UGT1A10: variants seen among roughly 807,000 people sequenced by gnomAD.
The protein encoded by UGT1A10 is UDP glucuronosyltransferase family 1 member A10.
A neutral mutation model predicts 45.8 loss-of-function variants in UGT1A10; 49 were observed. That is an observed-to-expected ratio of 1.07 (90% CI 0.85 to 1.36). The LOEUF is 1.36. Ranked by LOEUF, UGT1A10 falls within the 40% of genes most tolerant of loss-of-function variation. UGT1A10 has a pLI of 0.00. For missense variants in UGT1A10, 745 were observed against 668.6 expected, an observed-to-expected ratio of 1.11 and a Z score of -1.26; for synonymous variants, 284 against 249.7, an observed-to-expected ratio of 1.14 and a Z score of -1.29.
In UGT1A10 at chr2:233,702,744, C is replaced by A. The variant is rs28899179; in HGVS notation, c.856-64290C>A. The stretch of plus-strand genomic sequence containing the variant: ...TGAACATGGTTTTCTTTTTGGTCCC[C>A]TATTCTAGTGATATGTGTTAATTGA... On this transcript the variant is annotated intron_variant, in intron 1 of 4. Coordinates refer to ENST00000344644, the MANE Select transcript of UGT1A10 (RefSeq NM_019075.4). Among the ~76,000 whole-genome samples, 1,245 of 152,216 alleles carry A rather than the reference C, an allele frequency of 8.2e-3. 20 individuals are homozygous for A. Among genetic ancestry groups the A allele is most frequent in the African/African-American group, 0.028 (1,155 of 41,538 alleles).
chr2:233,689,498 G>A (rs539374555), intron 1 of UGT1A10, among the ~76,000 whole-genome samples: 4 of 152,192 alleles, frequency 2.6e-5, no homozygotes, highest in East Asian at 1.9e-4. Flanking sequence ...AAATCAATAC[G>A]CAGAGGTTAC....
chr2:233,712,323 T>C (rs1173585245), intron 1 of UGT1A10, among the ~76,000 whole-genome samples: 1 of 149,960 alleles, frequency 6.7e-6, no homozygotes, highest in Non-Finnish European at 1.5e-5. Flanking sequence ...ACAAAGCCTT[T>C]CCAAGAATCT....
Position 233,636,864 on chromosome 2 carries a change from T to C in UGT1A10, c.342T>C (p.Ser114=), listed in dbSNP as rs2073305580. The C allele has an allele frequency of 6.2e-7, 1 of 1,614,066 alleles. No individual in the cohort carries two copies. The highest frequency in any genetic ancestry group is 1.3e-5 in the African/African-American group (1 of 74,938). The change falls in exon 1 of 5, where the codon AGT becomes AGC. Residue 114 remains serine (S), a synonymous_variant. Coordinates refer to ENST00000344644, the MANE Select transcript of UGT1A10 (RefSeq NM_019075.4). The stretch of plus-strand genomic sequence containing the variant: ...TTTCTCTATTAATGAGTTCATCCAG[T>C]GGTTTTCTTGACTTATTTTTTTCGC... ...SIFSLLMSSS[S]GFLDLFFSHC...
intron 1 of UGT1A10, among the ~76,000 whole-genome samples, chr2:233,756,735 C>T (rs1015618945): frequency 7.9e-5 from 12 of 152,180 alleles, no homozygotes; most frequent in African/African-American, 2.6e-4. Context: ...GTTCTCTTCA[C>T]CTCCTCCTTA....
intron 1 of UGT1A10, among the ~76,000 whole-genome samples, chr2:233,696,838 AC>A (rs1481479612): frequency 6.6e-6 from 1 of 152,124 alleles, no homozygotes; most frequent in Non-Finnish European, 1.5e-5. Context: ...TCATAAAGGG[AC>A]GTTGAATTTT....
intron 1 of UGT1A10, among the ~76,000 whole-genome samples, chr2:233,700,929 G>T (rs577759047): frequency 6.6e-6 from 1 of 151,662 alleles, no homozygotes; most frequent in Non-Finnish European, 1.5e-5. Flanking sequence ...GTGTCTGTGT[G>T]TGATTGTTCA....
chr2:233,637,050 T>C lies in UGT1A10; in HGVS notation c.528T>C (p.His176=), dbSNP rs201624537. 7.4e-6 allele frequency: 12 copies of C among 1,613,902 alleles called. No individual in the cohort carries two copies. The highest frequency in any genetic ancestry group is 6.7e-5 in the Admixed American group (4 of 59,998). Residue 176 remains histidine (H), a synonymous_variant, in exon 1 of 5, where the codon CAT becomes CAC. Transcript: ENST00000344644. The part of the protein sequence containing the change: ...VVFTRGIFCH[H]LEEGAQCPAP... ...TCACCAGGGGAATATTTTGCCACCA[T>C]CTTGAAGAAGGTGCACAGTGCCCTG... is the stretch of plus-strand genomic sequence containing the variant.
chr2:233,729,936 G>A (rs1335744695), intron 1 of UGT1A10: 1 of 1,613,890 alleles, frequency 6.2e-7, no homozygotes, highest in Admixed American at 1.7e-5. Flanking sequence ...GGCCAATCAT[G>A]CCCAACATGG....
At chr2:233,716,411 C>T (rs1382859700) in intron 1 of UGT1A10, among the ~76,000 whole-genome samples, 1 of 152,134 alleles carries the variant, frequency 6.6e-6, no homozygotes, top group Non-Finnish European at 1.5e-5. Flanking sequence ...GTGAAACCCA[C>T]ATCTTATTCA....
intron 1 of UGT1A10, among the ~76,000 whole-genome samples, chr2:233,696,122 C>T (rs1486929400): frequency 2.6e-5 from 4 of 152,170 alleles, no homozygotes; most frequent in Non-Finnish European, 5.9e-5. Flanking sequence ...AGAACTAGAA[C>T]TGCCCCAATA....
At chr2:233,704,442 T>C (rs957652492) in intron 1 of UGT1A10, among the ~76,000 whole-genome samples, 1 of 152,198 alleles carries the variant, frequency 6.6e-6, no homozygotes, top group African/African-American at 2.4e-5. Context: ...AATATTGAAA[T>C]GTCATTCCTA....
intron 1 of UGT1A10, among the ~76,000 whole-genome samples, chr2:233,694,835 G>A (rs577816830): frequency 6.6e-5 from 10 of 152,200 alleles, no homozygotes; most frequent in Non-Finnish European, 1.3e-4. Context: ...AACATAGAAT[G>A]TCAGGATTCT....
At chr2:233,668,213 AC>A (rs1173353747) in intron 1 of UGT1A10, among the ~76,000 whole-genome samples, 1 of 150,566 alleles carries the variant, frequency 6.6e-6, no homozygotes, top group Non-Finnish European at 1.5e-5. Context: ...CCATACCCCC[AC>A]CTCTCGACAG....
chr2:233,768,750 T>C (rs190233981), intron 4 of UGT1A10, among the ~76,000 whole-genome samples: 30 of 152,044 alleles, frequency 2.0e-4, no homozygotes, highest in Admixed American at 8.5e-4. Flanking sequence ...GCCCGGTTAA[T>C]TTTTGTATTT....
chr2:233,637,005 C>T lies in UGT1A10; in HGVS notation c.483C>T (p.Phe161=). Residue 161 remains phenylalanine, a synonymous_variant, in exon 1 of 5, where the codon TTC becomes TTT. Transcript: ENST00000344644. ...DTCGLIVAKY[F]SLPSVVFTRG... is the part of the protein sequence containing the mutation. ...GTGGCTTAATTGTTGCTAAATATTTCTCCCTCCCCTCTGTGGTCTTCACCA... is the reference window on the plus strand; with the variant it reads ...GTGGCTTAATTGTTGCTAAATATTTTTCCCTCCCCTCTGTGGTCTTCACCA... 6.2e-7 allele frequency: 1 copy of T among 1,613,986 alleles called. No homozygotes were observed. The highest frequency in any genetic ancestry group is 8.5e-7 in the Non-Finnish European group (1 of 1,179,972).
chr2:233,682,243 G>A (rs200147039), intron 1 of UGT1A10: 3 of 1,614,068 alleles, frequency 1.9e-6, no homozygotes, highest in Non-Finnish European at 2.5e-6. Context: ...CGGCACCATT[G>A]CGAAGTGCAT....
At chr2:233,691,284 A>C in intron 1 of UGT1A10, 1 of 985,524 alleles carries the variant, frequency 1.0e-6, no homozygotes, top group African/African-American at 1.7e-5. Context: ...GACTTTGATC[A>C]TTGTAAGCTG....
At chr2:233,754,362 T>G in intron 1 of UGT1A10, 1 of 282,658 alleles carries the variant, frequency 3.5e-6, no homozygotes, top group Non-Finnish European at 6.9e-6. Flanking sequence ...TACAGATATT[T>G]ACAATGATCG....
At chr2:233,720,631 A>G (rs2076876608) in intron 1 of UGT1A10, among the ~76,000 whole-genome samples, 1 of 151,986 alleles carries the variant, frequency 6.6e-6, no homozygotes. Context: ...TCATTGAAAT[A>G]GTACTCTGGG....
Sources: allele counts gnomAD v4.1 joint callset (sites outside exome capture counted in the v4.1 genomes callset), GRCh38; gene constraint gnomAD v4.1.1; transcripts MANE v1.5; gene names NCBI Gene and HGNC (gene_info 2026-07-23, HGNC 2026-07-21).